The following TAF3 variants were observed in gnomAD, a reference collection of about 807,000 sequenced individuals.
TAF3 encodes the protein TATA-box binding protein associated factor 3.
TAF3 carries 7 observed loss-of-function variants against 80.6 expected under a neutral mutation model. That is an observed-to-expected ratio of 0.09 (90% CI 0.05 to 0.16). The LOEUF (loss-of-function observed/expected upper bound fraction) is 0.16. TAF3 is among the 10% of genes least tolerant of loss of function. The probability of loss-of-function intolerance (pLI) is 1.00; values close to 1 mark genes in which losing one functional copy is unlikely to be tolerated. For synonymous variants in TAF3, 444 were observed against 446.1 expected (o/e 1.00, Z 0.06); for missense variants, 921 against 1,140.2 (o/e 0.81, Z 2.77).
In TAF3 at chr10:7,835,949, T is replaced by G. The variant is rs558816727; in HGVS notation, c.409+11389T>G. On this transcript the variant is annotated intron_variant, in intron 2 of 6. Coordinates refer to ENST00000344293, the MANE Select transcript of TAF3 (RefSeq NM_031923.4). ...ACTTTCTTCCCAGGATTCCCCTTAT[T>G]GAAGCTTTTTGCTGCTTTCATCACT... 1.8e-4 allele frequency among the ~76,000 whole-genome samples: 27 copies of G among 152,260 alleles called. 1 individual carries two copies. The South Asian group carries it at 3.9e-3, about 22-fold the overall frequency.
chr10:7,838,760 C>T (rs1483931439), intron 2 of TAF3, among the ~76,000 whole-genome samples: 7 of 152,106 alleles, frequency 4.6e-5, no homozygotes, highest in Non-Finnish European at 5.9e-5. Flanking sequence ...AAGCCTCCTC[C>T]ACACCCAGCC....
intron 3 of TAF3, among the ~76,000 whole-genome samples, chr10:7,972,845 G>T (rs1358283463): frequency 6.6e-6 from 1 of 152,186 alleles, no homozygotes; most frequent in Admixed American, 6.5e-5. Flanking sequence ...ATATAAACTA[G>T]TTAGCCTCCC....
intron 2 of TAF3, among the ~76,000 whole-genome samples, chr10:7,843,677 G>A (rs1199726561): frequency 4.1e-5 from 6 of 144,656 alleles, no homozygotes; most frequent in South Asian, 2.2e-4. Context: ...GTGATCAGTC[G>A]TTGGATAATT....
Position 7,824,462 on chromosome 10 carries a change from A to T in TAF3, c.311A>T (p.Asn104Ile), listed in dbSNP as rs1378063460. Residue 104 changes from asparagine (N) to isoleucine (I), a missense_variant, in exon 2 of 7, where the codon AAC becomes ATC. Physicochemically the swap from Asn to Ile is moderately radical, Grantham distance 149. Around this residue, in one of 6 missense-constraint regions of TAF3, gnomAD observed 106 missense variants for 191.8 expected, o/e 0.55. Transcript: ENST00000344293. ...HQIPSFPVSK[N>I]NVLQFPQPGS... ...ATTCCGTCATTTCCTGTTAGCAAGA[A>T]CAATGTACTTCAGTTTCCTCAACCT... The T allele has an allele frequency of 6.2e-7, 1 of 1,614,096 alleles. No homozygotes were observed. The highest frequency in any genetic ancestry group is 8.5e-7 in the Non-Finnish European group (1 of 1,180,048).
In TAF3 at chr10:7,824,516, AATACAT is replaced by A; in HGVS notation, c.366_371del (p.Glu122_Ile124delinsAsp). On this transcript the variant is annotated inframe_deletion, in exon 2 of 7. Transcript: ENST00000344293. ...AGTAAAGATGCAGAGGAAAGAAAAG[AATACAT>A]TCCTGATTACCTGCCACCCATTGTG... 6.2e-7 allele frequency: 1 copy of A among 1,614,192 alleles called. No individual in the cohort carries two copies. Among genetic ancestry groups the A allele is most frequent in the Non-Finnish European group, 8.5e-7 (1 of 1,180,024 alleles).
intron 2 of TAF3, among the ~76,000 whole-genome samples, chr10:7,863,625 AAAT>A (rs1837171946): frequency 2.2e-5 from 2 of 90,032 alleles, no homozygotes; most frequent in African/African-American, 4.3e-5. Flanking sequence ...AAAAAAAAAA[AAAT>A]ATATATATAT....
intron 2 of TAF3, among the ~76,000 whole-genome samples, chr10:7,939,446 C>T (rs946498255): frequency 3.3e-5 from 5 of 152,152 alleles, no homozygotes; most frequent in Admixed American, 1.3e-4. Flanking sequence ...AAGTCCCAAA[C>T]ATTTTACATG....
chr10:7,899,923 A>G (rs538821318), intron 2 of TAF3, among the ~76,000 whole-genome samples: 7 of 152,310 alleles, frequency 4.6e-5, no homozygotes, highest in Non-Finnish European at 8.8e-5. Flanking sequence ...GGTTATGGTG[A>G]TTTTTAAAGG....
chr10:7,823,659 G>A (rs1318981115), intron 1 of TAF3, among the ~76,000 whole-genome samples: 6 of 147,854 alleles, frequency 4.1e-5, no homozygotes, highest in Non-Finnish European at 7.4e-5. Flanking sequence ...TTCTGAGATG[G>A]AGTCTTGCTC....
chr10:7,974,325 G>T (rs1241878332), intron 3 of TAF3, among the ~76,000 whole-genome samples: 1 of 152,172 alleles, frequency 6.6e-6, no homozygotes, highest in African/African-American at 2.4e-5. Context: ...TTGGCTAGGG[G>T]GAAGGGGCGG....
chr10:7,989,849 G>A (rs1831816759), intron 4 of TAF3, among the ~76,000 whole-genome samples: 1 of 152,092 alleles, frequency 6.6e-6, no homozygotes, highest in Admixed American at 6.5e-5. Context: ...GCCAAAGTTT[G>A]GAGCATAATG....
chr10:7,853,331 C>T (rs1837047330), intron 2 of TAF3, among the ~76,000 whole-genome samples: 1 of 152,096 alleles, frequency 6.6e-6, no homozygotes, highest in Admixed American at 6.5e-5. Context: ...CATGTGGGGG[C>T]ATTACATTGG....
chr10:7,953,281 C>T (rs1012394512), intron 2 of TAF3, among the ~76,000 whole-genome samples: 2 of 152,188 alleles, frequency 1.3e-5, no homozygotes, highest in Non-Finnish European at 2.9e-5. Flanking sequence ...TTTAAAGATA[C>T]TGCCTTTACC....
intron 2 of TAF3, among the ~76,000 whole-genome samples, chr10:7,842,226 T>C (rs1198636197): frequency 7.0e-6 from 1 of 143,636 alleles, no homozygotes; most frequent in Non-Finnish European, 1.5e-5. Flanking sequence ...CAGGCTGAAG[T>C]GCTGTGGCAC....
At chr10:7,911,999 G>A (rs923887798) in intron 2 of TAF3, among the ~76,000 whole-genome samples, 1 of 152,118 alleles carries the variant, frequency 6.6e-6, no homozygotes, top group African/African-American at 2.4e-5. Context: ...TGCACTTTCG[G>A]ATCATCCAGA....
intron 2 of TAF3, among the ~76,000 whole-genome samples, chr10:7,941,160 A>G (rs903965717): frequency 1.3e-5 from 2 of 152,176 alleles, no homozygotes; most frequent in Non-Finnish European, 2.9e-5. Context: ...AGAGATTTCC[A>G]CTGGGAGAGC....
At chr10:7,865,208 C>G (rs1837198484) in intron 2 of TAF3, among the ~76,000 whole-genome samples, 1 of 152,052 alleles carries the variant, frequency 6.6e-6, no homozygotes, top group Non-Finnish European at 1.5e-5. Flanking sequence ...TGGCTCATGC[C>G]TGTAATCCCA....
chr10:7,996,624 T>G (rs1831889484), intron 4 of TAF3, among the ~76,000 whole-genome samples: 1 of 152,090 alleles, frequency 6.6e-6, no homozygotes, highest in Non-Finnish European at 1.5e-5. Flanking sequence ...GTCTTTTTTT[T>G]TTGTATTTGT....
At chr10:7,838,640 T>C (rs549902378) in intron 2 of TAF3, among the ~76,000 whole-genome samples, 88 of 152,240 alleles carry the variant, frequency 5.8e-4, no homozygotes, top group African/African-American at 2.0e-3. Context: ...CCTAGGCCTC[T>C]CAAAGTGTTG....
Sources: allele counts gnomAD v4.1 joint callset (sites outside exome capture counted in the v4.1 genomes callset), GRCh38; gene constraint gnomAD v4.1.1; regional missense constraint gnomAD v4.1.1; transcripts MANE v1.5; gene names NCBI Gene and HGNC (gene_info 2026-07-23, HGNC 2026-07-21).